Variants in AUTS2 observed in about 807,000 individuals in gnomAD.
The protein encoded by AUTS2 is activator of transcription and developmental regulator AUTS2.
A neutral mutation model predicts 112.4 loss-of-function variants in AUTS2; 17 were observed. That is an observed-to-expected ratio of 0.15 (90% CI 0.10 to 0.23). The LOEUF is 0.23. Ranked by LOEUF, AUTS2 falls within the 10% of genes least tolerant of loss-of-function variation. AUTS2 has a pLI of 1.00. For missense variants in AUTS2, 1,510 were observed against 1,701.6 expected (o/e 0.89, Z 1.98); for synonymous variants, 751 against 702.7 (o/e 1.07, Z -1.09).
intron 1 of AUTS2, among the ~76,000 whole-genome samples, chr7:69,776,399 A>G (rs1209392664): frequency 6.6e-6 from 1 of 152,148 alleles, no homozygotes; most frequent in Non-Finnish European, 1.5e-5. Context: ...GCATTCTTGC[A>G]GGGGTTTCCC....
At chr7:70,528,109 T>TTA (rs1563018200) in intron 5 of AUTS2, among the ~76,000 whole-genome samples, 1 of 147,954 alleles carries the variant, frequency 6.8e-6, no homozygotes, top group African/African-American at 2.5e-5. Context: ...TTTTTTTTTT[T>TTA]TTTTTTTTTT....
intron 5 of AUTS2, among the ~76,000 whole-genome samples, chr7:70,471,941 G>C (rs1018761888): frequency 1.3e-5 from 2 of 152,048 alleles, no homozygotes; most frequent in East Asian, 1.9e-4. Flanking sequence ...AGAGTGGAGA[G>C]GGGGAGAGCC....
At chr7:69,979,612 A>G (rs1203032843) in intron 2 of AUTS2, among the ~76,000 whole-genome samples, 2 of 152,228 alleles carry the variant, frequency 1.3e-5, no homozygotes, top group Non-Finnish European at 2.9e-5. Context: ...CAAAGACATG[A>G]TTCCAGATTA....
chr7:70,194,372 C>T (rs923912168), intron 4 of AUTS2, among the ~76,000 whole-genome samples: 6 of 152,074 alleles, frequency 3.9e-5, no homozygotes, highest in Admixed American at 2.6e-4. Flanking sequence ...AGTGGCACTG[C>T]ACTCTAACCT....
chr7:70,361,927 C>T (rs997080670), intron 4 of AUTS2, among the ~76,000 whole-genome samples: 1 of 152,188 alleles, frequency 6.6e-6, no homozygotes, highest in Non-Finnish European at 1.5e-5. Context: ...TGCTCTCACA[C>T]ACTCATACAC....
chr7:70,152,818 A>G (rs1017388532), intron 4 of AUTS2, among the ~76,000 whole-genome samples: 3 of 152,196 alleles, frequency 2.0e-5, no homozygotes, highest in Admixed American at 2.0e-4. Context: ...GTAATATATT[A>G]TTACACACCT....
intron 4 of AUTS2, among the ~76,000 whole-genome samples, chr7:70,255,738 A>G (rs1315249432): frequency 6.6e-6 from 1 of 152,194 alleles, no homozygotes; most frequent in Non-Finnish European, 1.5e-5. Context: ...GCTTATAGAA[A>G]GAGATAGAAC....
rs879416011 is a variant in AUTS2, at chr7:70,311,723, A to AT, written c.661-124018dup. Among the ~76,000 whole-genome samples, 973 of 147,366 alleles carry AT rather than the reference A, an allele frequency of 6.6e-3. 40 individuals carry two copies. The highest frequency in any genetic ancestry group is 0.05 in the Admixed American group (748 of 14,910). ...AGGTGCCCGCCACCACACTTAGCGA[A>AT]TTTTTTTTTTTGAGACGGAGTCTCG... On this transcript the variant is annotated intron_variant, in intron 4 of 18. Transcript: ENST00000342771.
At chr7:70,251,080 G>A (rs79915789) in intron 4 of AUTS2, among the ~76,000 whole-genome samples, 1 of 140,082 alleles carries the variant, frequency 7.1e-6, no homozygotes, top group African/African-American at 2.7e-5. Context: ...TTTTTTTTTT[G>A]TTGAGACGGA....
intron 4 of AUTS2, among the ~76,000 whole-genome samples, chr7:70,303,438 A>G (rs937570999): frequency 6.5e-5 from 9 of 139,092 alleles, no homozygotes; most frequent in Admixed American, 2.8e-4. Context: ...GCGCGCGCAC[A>G]TACACACACA....
At chr7:70,704,705 C>T (rs779220943) in intron 6 of AUTS2, among the ~76,000 whole-genome samples, 5 of 152,224 alleles carry the variant, frequency 3.3e-5, no homozygotes, top group Non-Finnish European at 5.9e-5. Context: ...GGCTCAATCA[C>T]GCGGGCCAAC....
intron 5 of AUTS2, among the ~76,000 whole-genome samples, chr7:70,602,374 ACCTGAC>A (rs1803520285): frequency 1.3e-5 from 2 of 152,120 alleles, no homozygotes; most frequent in Admixed American, 6.5e-5. Context: ...GTACATTGAC[ACCTGAC>A]CCAGTGTTTT....
intron 1 of AUTS2, among the ~76,000 whole-genome samples, chr7:69,845,892 G>A (rs1030930938): frequency 3.3e-5 from 5 of 152,174 alleles, no homozygotes; most frequent in African/African-American, 4.8e-5. Context: ...CTGCAATTCT[G>A]TTCTGACACT....
intron 4 of AUTS2, among the ~76,000 whole-genome samples, chr7:70,221,666 C>A (rs2129592414): frequency 6.6e-6 from 1 of 152,326 alleles, no homozygotes; most frequent in Non-Finnish European, 1.5e-5. Flanking sequence ...GTGGGCAGAT[C>A]ACCTGAGGTC....
At chr7:70,166,629 A>G (rs1164027350) in intron 4 of AUTS2, among the ~76,000 whole-genome samples, 1 of 152,208 alleles carries the variant, frequency 6.6e-6, no homozygotes, top group Non-Finnish European at 1.5e-5. Context: ...AGTACAAGAT[A>G]TAATTAACAA....
At chr7:69,667,646 G>A (rs1039162807) in intron 1 of AUTS2, among the ~76,000 whole-genome samples, 10 of 152,068 alleles carry the variant, frequency 6.6e-5, no homozygotes, top group African/African-American at 2.2e-4. Context: ...GTGAGCCACT[G>A]CACCCAGCCC....
intron 1 of AUTS2, among the ~76,000 whole-genome samples, chr7:69,877,050 C>T (rs1460961650): frequency 3.3e-5 from 5 of 152,094 alleles, no homozygotes; most frequent in South Asian, 2.1e-4. Context: ...CAAAATGATC[C>T]GCTGACACTT....
intron 1 of AUTS2, among the ~76,000 whole-genome samples, chr7:69,813,705 G>A (rs1213074248): frequency 6.6e-6 from 1 of 152,174 alleles, no homozygotes; most frequent in Non-Finnish European, 1.5e-5. Flanking sequence ...AAGAAGGGGA[G>A]TGTCTGAAAA....
chr7:70,776,972 G>A (rs1585672951), intron 13 of AUTS2, 131 bp from the exon 14 acceptor site: 3 of 788,654 alleles, frequency 3.8e-6, no homozygotes, highest in African/African-American at 3.4e-5. Context: ...AAGGCACTTG[G>A]AGAGTACAAA....
Sources: gnomAD v4.1 joint callset for allele counts (sites outside exome capture counted in the v4.1 genomes callset) on GRCh38, gnomAD v4.1.1 for gene constraint, MANE v1.5 for transcripts, NCBI Gene and HGNC (gene_info 2026-07-23, HGNC 2026-07-21) for gene names.